Variants in TTC7B observed in about 807,000 individuals in gnomAD.
The protein encoded by TTC7B is tetratricopeptide repeat protein 7B.
A neutral mutation model predicts 106.8 loss-of-function variants in TTC7B; 28 were observed. That is an observed-to-expected ratio of 0.26 (90% CI 0.19 to 0.36). TTC7B has a LOEUF of 0.36. Ranked by LOEUF, TTC7B falls within the 10% of genes least tolerant of loss-of-function variation. The pLI, the probability that TTC7B is intolerant of heterozygous loss-of-function variation, is 1.00. For synonymous variants in TTC7B, 405 were observed against 430.6 expected (o/e 0.94, Z 0.74); for missense variants, 862 against 1,076.4 (o/e 0.80, Z 2.79).
At chr14:90,798,844 G>A (rs541650220) in intron 1 of TTC7B, among the ~76,000 whole-genome samples, 16 of 152,122 alleles carry the variant, frequency 1.1e-4, no homozygotes, top group African/African-American at 3.9e-4. Context: ...AAGAGGACAT[G>A]GACACGATGT....
intron 5 of TTC7B, among the ~76,000 whole-genome samples, chr14:90,702,055 T>C (rs185849325): frequency 2.6e-5 from 4 of 152,302 alleles, no homozygotes; most frequent in East Asian, 1.9e-4. Context: ...CGGGAATCCA[T>C]ATGTTTATCT....
At chr14:90,652,673 A>C (rs1421951314) in intron 13 of TTC7B, among the ~76,000 whole-genome samples, 168 bp downstream of exon 13, 1 of 152,210 alleles carries the variant, frequency 6.6e-6, no homozygotes, top group East Asian at 1.9e-4. Flanking sequence ...TGACACAGCA[A>C]CAAGTGATAC....
intron 2 of TTC7B, among the ~76,000 whole-genome samples, chr14:90,782,618 A>G (rs1269724758): frequency 6.6e-6 from 1 of 152,164 alleles, no homozygotes; most frequent in Non-Finnish European, 1.5e-5. Flanking sequence ...CATCCACCAC[A>G]GGGGTTCTCC....
intron 1 of TTC7B, among the ~76,000 whole-genome samples, chr14:90,796,787 G>C (rs1163763893): frequency 6.6e-6 from 1 of 152,102 alleles, no homozygotes; most frequent in Non-Finnish European, 1.5e-5. Context: ...TCAGGGAGGA[G>C]TTGGCTCCTC....
Position 90,541,460 on chromosome 14 carries a change from C to T in TTC7B, c.2440G>A (p.Asp814Asn), listed in dbSNP as rs1595141215. ...AGGAAGCACTCCGTAGCCGCCGCAT[C>T]GTTGCCCTGAGCTTGGAGGACCTCG... The part of the protein sequence containing the change: ...LGEVLQAQGN[D>N]AAATECFLTA... Residue 814 changes from aspartate (D) to asparagine (N), a missense_variant, in exon 20 of 20, where the codon GAT becomes AAT. Coordinates refer to ENST00000328459, the MANE Select transcript of TTC7B (RefSeq NM_001010854.2). 3.7e-6 allele frequency: 6 copies of T among 1,614,032 alleles called. No homozygotes were observed. The highest frequency in any genetic ancestry group is 2.2e-5 in the South Asian group (2 of 91,078).
Position 90,657,480 on chromosome 14 carries a change from C to T in TTC7B, c.1237-202G>A. On this transcript the variant is annotated intron_variant, in intron 10 of 19. Coordinates refer to ENST00000328459, the MANE Select transcript of TTC7B (RefSeq NM_001010854.2). This position sits in a 1 kb window ranked among gnomAD's most constrained non-coding sequence, Gnocchi z 4.2. ...CTGGGGAGTACACTGGGTTAAAAGC[C>T]AGCAGGAATGCTTCTCTGGCGCCAC... 1 of 482,472 alleles carries T rather than the reference C, an allele frequency of 2.1e-6. No homozygotes were observed. The highest frequency in any genetic ancestry group is 3.2e-5 in the South Asian group (1 of 31,438). The allele number at this position is 482,472 out of a possible 1,614,324, so 29.9% of individuals were successfully genotyped here.
At chr14:90,622,519 A>G (rs1042766538) in intron 15 of TTC7B, among the ~76,000 whole-genome samples, 4 of 151,726 alleles carry the variant, frequency 2.6e-5, no homozygotes, top group Admixed American at 6.6e-5. Context: ...GCTTGAGCTC[A>G]CAAGTTCAAG....
rs1321145503 is a variant in TTC7B at position 90,805,658 on chromosome 14, T to C, written c.121+10517A>G. 4.6e-5 allele frequency among the ~76,000 whole-genome samples: 7 copies of C among 152,194 alleles called. No homozygotes were observed. Among genetic ancestry groups the C allele is most frequent in the Non-Finnish European group, 7.3e-5 (5 of 68,050 alleles). ...CTTCGCTTTTCCCTCGGGCATTATT[T>C]GGGGTTTAAGTGAGGCTGCAATAAC... On this transcript the variant is annotated intron_variant, in intron 1 of 19. Transcript: ENST00000328459. The surrounding 1 kb of genome is among the most constrained non-coding windows in gnomAD (Gnocchi z 4.0).
intron 6 of TTC7B, among the ~76,000 whole-genome samples, chr14:90,694,991 AC>A (rs1887654407): frequency 8.7e-6 from 1 of 115,230 alleles, no homozygotes; most frequent in Admixed American, 9.4e-5. Flanking sequence ...TATATTTATA[AC>A]ACATATGCCA....
intron 7 of TTC7B, among the ~76,000 whole-genome samples, chr14:90,686,369 T>C (rs945758819): frequency 2.0e-5 from 3 of 152,166 alleles, no homozygotes; most frequent in African/African-American, 4.8e-5. Context: ...GTGAACACCA[T>C]ACTCTGTGAA....
chr14:90,771,606 A>C (rs1890865052), intron 3 of TTC7B, among the ~76,000 whole-genome samples: 1 of 152,192 alleles, frequency 6.6e-6, no homozygotes. Context: ...TCTCAAAAAA[A>C]GAAAAAAATC....
At chr14:90,770,672 C>T (rs1268271397) in intron 3 of TTC7B, among the ~76,000 whole-genome samples, 3 of 149,636 alleles carry the variant, frequency 2.0e-5, no homozygotes, top group Non-Finnish European at 4.5e-5. Flanking sequence ...AAAAAAAGAA[C>T]AACCAGACAG....
chr14:90,602,291 T>A, intron 17 of TTC7B: 2 of 451,278 alleles, frequency 4.4e-6, no homozygotes, highest in Non-Finnish European at 8.9e-6. Context: ...ATGTGAACTA[T>A]GAAGCACTAG....
rs746034031 is a variant in TTC7B, at chr14:90,730,214, T to A, written c.577-18A>T. 1.9e-6 allele frequency: 3 copies of A among 1,592,434 alleles called. No individual in the cohort carries two copies. In the Admixed American group the frequency reaches 5.6e-5, roughly 30 times the overall value. On this transcript the variant is annotated intron_variant, in intron 4 of 19. Coordinates refer to ENST00000328459, the MANE Select transcript of TTC7B (RefSeq NM_001010854.2). ...AGTATTACCTAGAAGGGGAGAAAAT[T>A]GGAAAACTAATCAGATGCACATCCA...
intron 4 of TTC7B, 53 bp from the exon 5 acceptor site, chr14:90,730,249 C>T: frequency 6.4e-7 from 1 of 1,561,980 alleles, no homozygotes; most frequent in Non-Finnish European, 8.6e-7. Flanking sequence ...AAGCCTACTT[C>T]CTTCAAACCC....
intron 4 of TTC7B, among the ~76,000 whole-genome samples, chr14:90,743,612 C>G (rs1366131509): frequency 6.6e-6 from 1 of 152,130 alleles, no homozygotes; most frequent in Non-Finnish European, 1.5e-5. Flanking sequence ...GAAACACTGC[C>G]AGCAACAGCA....
chr14:90,727,299 C>T (rs1290886829), intron 5 of TTC7B, among the ~76,000 whole-genome samples: 2 of 152,104 alleles, frequency 1.3e-5, no homozygotes, highest in Non-Finnish European at 2.9e-5. Flanking sequence ...CCATCCACAC[C>T]GAGCCACAGC....
intron 18 of TTC7B, among the ~76,000 whole-genome samples, chr14:90,585,004 C>T (rs1481292953): frequency 1.3e-5 from 2 of 152,186 alleles, no homozygotes; most frequent in Non-Finnish European, 2.9e-5. Context: ...TGGACTTAGC[C>T]TTAATTCTTT....
chr14:90,543,476 T>C (rs142254975), intron 19 of TTC7B, among the ~76,000 whole-genome samples: 217 of 152,314 alleles, frequency 1.4e-3, no homozygotes, highest in African/African-American at 5.1e-3. Flanking sequence ...AGCCACAATA[T>C]CAAACTTCTG....
Sources: allele counts gnomAD v4.1 joint callset (sites outside exome capture counted in the v4.1 genomes callset), GRCh38; gene constraint gnomAD v4.1.1; non-coding constraint Gnocchi (gnomAD v3.1); transcripts MANE v1.5; gene names NCBI Gene and HGNC (gene_info 2026-07-23, HGNC 2026-07-21).